Variants in GRAP2 observed in about 807,000 individuals in gnomAD.
GRAP2 encodes the protein GRB2 related adaptor protein 2.
GRAP2 carries 31 observed loss-of-function variants against 43.5 expected under a neutral mutation model. The ratio of observed to expected loss-of-function variants is 0.71; its 90% CI spans 0.54 to 0.96. The LOEUF (loss-of-function observed/expected upper bound fraction) is 0.96. Among genes scored for constraint, GRAP2 ranks in the 40% least tolerant of loss-of-function variants. The probability of loss-of-function intolerance (pLI) is 0.00; values close to 1 mark genes in which losing one functional copy is unlikely to be tolerated. For synonymous variants in GRAP2, 156 were observed against 164.8 expected (o/e 0.95, Z 0.41); for missense variants, 371 against 424.4 (o/e 0.87, Z 1.11).
At chr22:39,968,580 A>G in intron 6 of GRAP2, 1 of 448,328 alleles carries the variant, frequency 2.2e-6, no homozygotes, top group South Asian at 4.4e-5. Flanking sequence ...ACAATTCCAA[A>G]TCTATTCATG....
chr22:39,943,956 T>C (rs2066895751), intron 1 of GRAP2, among the ~76,000 whole-genome samples: 1 of 152,108 alleles, frequency 6.6e-6, no homozygotes, highest in South Asian at 2.1e-4. Context: ...CTTGACCTCA[T>C]GATCCGCCCG....
chr22:39,956,034 C>G (rs1401571386), intron 3 of GRAP2, 124 bp downstream of exon 3: 19 of 630,828 alleles, frequency 3.0e-5, no homozygotes, highest in Non-Finnish European at 3.8e-5. Flanking sequence ...CTGGAGCTCT[C>G]TCCGGAGAGC....
At chr22:39,968,912 G>A (rs190513629) in intron 6 of GRAP2, among the ~76,000 whole-genome samples, 239 of 152,282 alleles carry the variant, frequency 1.6e-3, no homozygotes, top group Middle Eastern at 6.8e-3. Flanking sequence ...TTCCTCTCAT[G>A]CCTTTGTGGC....
intron 1 of GRAP2, among the ~76,000 whole-genome samples, chr22:39,912,089 A>G (rs2066571289): frequency 6.6e-6 from 1 of 152,210 alleles, no homozygotes; most frequent in Non-Finnish European, 1.5e-5. Context: ...TTCTGTTTAT[A>G]TATTCAGCTA....
chr22:39,917,477 G>T (rs1361398143), intron 1 of GRAP2, among the ~76,000 whole-genome samples: 1 of 152,198 alleles, frequency 6.6e-6, no homozygotes, highest in African/African-American at 2.4e-5. Flanking sequence ...GAATTACCTA[G>T]CTGTATCAGT....
chr22:39,953,605 G>A (rs1051820184), intron 2 of GRAP2, among the ~76,000 whole-genome samples: 14 of 151,970 alleles, frequency 9.2e-5, no homozygotes, highest in East Asian at 1.9e-4. Context: ...GAGCTCTGTC[G>A]CTCTCTCGCT....
chr22:39,939,588 G>T (rs185043212), intron 1 of GRAP2, among the ~76,000 whole-genome samples: 14 of 127,096 alleles, frequency 1.1e-4, no homozygotes, highest in African/African-American at 3.1e-4. Context: ...AAAAAGAAAT[G>T]GTCCTGCATC....
chr22:39,920,309 T>C (rs2066638597), intron 1 of GRAP2, among the ~76,000 whole-genome samples: 1 of 152,228 alleles, frequency 6.6e-6, no homozygotes, highest in African/African-American at 2.4e-5. Flanking sequence ...TCAGGCACTA[T>C]CAAGAAAATG....
At chr22:39,918,021 A>G (rs114914168) in intron 1 of GRAP2, among the ~76,000 whole-genome samples, 1,556 of 152,330 alleles carry the variant, frequency 0.01, 18 homozygotes, top group African/African-American at 0.035. Flanking sequence ...CAAGAAATGC[A>G]TAGCATTTTT....
At chr22:39,967,663 C>T (rs6001714) in intron 5 of GRAP2, among the ~76,000 whole-genome samples, 2 of 152,146 alleles carry the variant, frequency 1.3e-5, no homozygotes, top group Admixed American at 1.3e-4. Context: ...TGGAGCTTAT[C>T]TGGAGGGTAG....
At chr22:39,958,570 C>T (rs201647348) in intron 3 of GRAP2, among the ~76,000 whole-genome samples, 3 of 127,320 alleles carry the variant, frequency 2.4e-5, no homozygotes, top group Non-Finnish European at 3.4e-5. Flanking sequence ...AATGAATGAA[C>T]GAACGAATAT....
chr22:39,917,557 T>C (rs1174775326), intron 1 of GRAP2, among the ~76,000 whole-genome samples: 1 of 152,236 alleles, frequency 6.6e-6, no homozygotes, highest in Non-Finnish European at 1.5e-5. Context: ...TCTTAAGATA[T>C]GCTAATTTTT....
chr22:39,955,970 G>A, intron 3 of GRAP2, 60 bp downstream of exon 3: 2 of 841,122 alleles, frequency 2.4e-6, no homozygotes, highest in East Asian at 2.5e-5. Context: ...TACATTTCCA[G>A]CAGTCACTAC....
At position 39,971,328 on chromosome 22, in the gene GRAP2, C is replaced by T; in HGVS notation, c.*244C>T. On this transcript the variant is annotated 3_prime_UTR_variant, in exon 8 of 8. Transcript: ENST00000344138. ...GCCCCCCTCAGGGGTGTGTGGAAGG[C>T]AGTGGGGGAGTTGGGAGGGGGGCAG... The T allele has an allele frequency of 2.1e-6, 1 of 482,912 alleles. No homozygotes were observed. Among genetic ancestry groups the T allele is most frequent in the South Asian group, 3.3e-5 (1 of 30,068 alleles). The allele number at this position is 482,912 out of a possible 1,614,324, so 29.9% of individuals were successfully genotyped here. A position where few individuals can be genotyped will look rare whatever the true frequency, so the allele number is the denominator to read the frequency against.
intron 1 of GRAP2, among the ~76,000 whole-genome samples, chr22:39,927,050 G>C (rs1159600166): frequency 6.6e-6 from 1 of 152,170 alleles, no homozygotes; most frequent in Non-Finnish European, 1.5e-5. Context: ...GCTTCTCCCA[G>C]AGAGAAACTT....
intron 7 of GRAP2, among the ~76,000 whole-genome samples, chr22:39,970,212 C>T (rs1443624724): frequency 2.0e-5 from 3 of 152,142 alleles, no homozygotes; most frequent in Non-Finnish European, 2.9e-5. Flanking sequence ...AACTCCTAGG[C>T]TCAAGCGATC....
intron 1 of GRAP2, among the ~76,000 whole-genome samples, chr22:39,908,249 A>G (rs1442747151): frequency 6.6e-6 from 1 of 152,236 alleles, no homozygotes; most frequent in Non-Finnish European, 1.5e-5. Flanking sequence ...AAGAGCTGGC[A>G]TCCAATTCTT....
At chr22:39,969,387 C>A (rs55838499) in intron 6 of GRAP2, 24 bp from the exon 7 acceptor site, 41,913 of 1,612,702 alleles carry the variant, frequency 0.026, 676 homozygotes, top group Middle Eastern at 0.035. Flanking sequence ...GTGGGGTGAC[C>A]AGTCTTCTGT....
chr22:39,970,498 T>C (rs2067228353), intron 7 of GRAP2, among the ~76,000 whole-genome samples: 1 of 151,966 alleles, frequency 6.6e-6, no homozygotes, highest in African/African-American at 2.4e-5. Flanking sequence ...GTGGAGAGAG[T>C]GGTTCTCAGG....
Sources: gnomAD v4.1 joint callset for allele counts (sites outside exome capture counted in the v4.1 genomes callset) on GRCh38, gnomAD v4.1.1 for gene constraint, MANE v1.5 for transcripts, NCBI Gene and HGNC (gene_info 2026-07-23, HGNC 2026-07-21) for gene names.